CCDC117: variants seen among roughly 807,000 people sequenced by gnomAD.
CCDC117 encodes coiled-coil domain-containing protein 117.
In CCDC117, 1 loss-of-function variant was observed where a neutral mutation model predicts 23.5. The observed-to-expected ratio is 0.04, with a 90% CI of 0.02 to 0.20. The LOEUF is 0.20. Ranked by LOEUF, CCDC117 falls within the 10% of genes least tolerant of loss-of-function variation. The probability of loss-of-function intolerance (pLI) is 1.00; values close to 1 mark genes in which losing one functional copy is unlikely to be tolerated. For missense variants in CCDC117, 383 were observed against 348.2 expected (o/e 1.10, Z -0.80); for synonymous variants, 132 against 124.8 (o/e 1.06, Z -0.39).
chr22:28,777,865 T>A (rs1220442603), intron 2 of CCDC117, among the ~76,000 whole-genome samples: 2 of 151,940 alleles, frequency 1.3e-5, no homozygotes, highest in African/African-American at 4.8e-5. Context: ...TTTTTTTTTT[T>A]TTTGAGATGT....
chr22:28,783,850 A>T (rs79919091), intron 4 of CCDC117, among the ~76,000 whole-genome samples: 1,920 of 152,196 alleles, frequency 0.013, 48 homozygotes, highest in African/African-American at 0.044. Flanking sequence ...TGCCTTGCCT[A>T]CTTACTCTTT....
In CCDC117 at chr22:28,787,363, T is replaced by G. The variant is rs1191770172; in HGVS notation, c.*1037T>G. The G allele has an allele frequency of 6.6e-6, 1 of 152,186 alleles. No homozygotes were observed. Among genetic ancestry groups the G allele is most frequent in the Non-Finnish European group, 1.5e-5 (1 of 68,046 alleles). 9.4% of individuals were successfully genotyped at this position (152,186 alleles called of 1,614,324 possible). On this transcript the variant is annotated 3_prime_UTR_variant, in exon 5 of 5. Transcript: ENST00000249064. ...CATGTTGGCCAGGCTGGTCTCGAAC[T>G]CCTGACCTCAGGTGATCTGCCCACC...
chr22:28,774,791 CT>C (rs1215039244), intron 2 of CCDC117, among the ~76,000 whole-genome samples: 8 of 151,614 alleles, frequency 5.3e-5, no homozygotes, highest in Non-Finnish European at 8.8e-5. Flanking sequence ...CTTTTTCTTT[CT>C]TTTTTTCTTT....
intron 2 of CCDC117, among the ~76,000 whole-genome samples, chr22:28,775,339 C>T (rs1044029262): frequency 2.0e-5 from 3 of 152,112 alleles, no homozygotes; most frequent in South Asian, 2.1e-4. Flanking sequence ...CCTATTGATG[C>T]ATTTCTAAAT....
intron 2 of CCDC117, among the ~76,000 whole-genome samples, chr22:28,774,596 G>A (rs942620259): frequency 6.6e-6 from 1 of 151,872 alleles, no homozygotes; most frequent in Non-Finnish European, 1.5e-5. Flanking sequence ...GTCTGGTCAT[G>A]AACTTCTGGC....
chr22:28,782,249 C>CGA (rs1007745948), intron 3 of CCDC117, among the ~76,000 whole-genome samples: 1 of 119,872 alleles, frequency 8.3e-6, no homozygotes. Context: ...GTCTACTGAG[C>CGA]CTTTTTTTTT....
rs770648979 is a variant in CCDC117, at chr22:28,786,325, A to G, written c.839A>G (p.Ter280TrpextTer24). ...AGCACAGAAGAAGAGATGGAACTCT[A>G]GAAACCAATTTCTACACTAAAGTTG... is the stretch of plus-strand genomic sequence containing the variant. ...ATSTEEEMEL[*>W] The change falls in exon 5 of 5, where the codon TAG (stop) becomes TGG (tryptophan). Residue 280 changes from the stop codon to tryptophan, a stop_lost. Coordinates refer to ENST00000249064, the MANE Select transcript of CCDC117 (RefSeq NM_173510.4). 4 of 1,602,138 alleles carry G rather than the reference A, an allele frequency of 2.5e-6. No homozygotes were observed. The highest frequency in any genetic ancestry group is 3.4e-6 in the Non-Finnish European group (4 of 1,170,844).
Position 28,787,099 on chromosome 22 carries a change from G to T in CCDC117, c.*773G>T, listed in dbSNP as rs2031535203. The T allele has an allele frequency of 6.6e-6, 1 of 152,532 alleles. No homozygotes were observed. The highest frequency in any genetic ancestry group is 6.6e-5 in the Admixed American group (1 of 15,258). The allele number at this position is 152,532 out of a possible 1,614,324, so 9.4% of individuals were successfully genotyped here. A position where few individuals can be genotyped will look rare whatever the true frequency, so the allele number is the denominator to read the frequency against. Reference sequence around the variant, plus strand: ...CATCTGCAATTTGCCTGTGGGAGAAGCATCCTTTAGTTCATCTTAAGGAAG... The same window carrying T: ...CATCTGCAATTTGCCTGTGGGAGAATCATCCTTTAGTTCATCTTAAGGAAG... On this transcript the variant is annotated 3_prime_UTR_variant, in exon 5 of 5. Transcript: ENST00000249064.
Position 28,786,376 on chromosome 22 carries a change from C to G in CCDC117, c.*50C>G. The G allele has an allele frequency of 7.5e-7, 1 of 1,325,320 alleles. No homozygotes were observed. Among genetic ancestry groups the G allele is most frequent in the Non-Finnish European group, 1.1e-6 (1 of 928,034 alleles). The allele number at this position is 1,325,320 out of a possible 1,614,324, so 82.1% of individuals were successfully genotyped here. A position where few individuals can be genotyped will look rare whatever the true frequency, so the allele number is the denominator to read the frequency against. Reference sequence around the variant, plus strand: ...TCAAATGTTAGAAGAATCCTGTGTTCAGTTATGAGACTCTTTGCATAGTAT... The same window carrying G: ...TCAAATGTTAGAAGAATCCTGTGTTGAGTTATGAGACTCTTTGCATAGTAT... On this transcript the variant is annotated 3_prime_UTR_variant, in exon 5 of 5. Transcript: ENST00000249064.
chr22:28,788,437 A>G lies in CCDC117; in HGVS notation c.*2111A>G, dbSNP rs2031580634. The G allele has an allele frequency of 1.3e-5, 2 of 152,444 alleles. No individual in the cohort carries two copies. Among genetic ancestry groups the G allele is most frequent in the South Asian group, 2.1e-4 (1 of 4,828 alleles). The allele number at this position is 152,444 out of a possible 1,614,324, so 9.4% of individuals were successfully genotyped here. A position where few individuals can be genotyped will look rare whatever the true frequency, so the allele number is the denominator to read the frequency against. ...AAAACACACCAAGATTGTCTTCTACAGGAATTGCTGGGCAGGTCTCCGACT... is the reference window on the plus strand; with the variant it reads ...AAAACACACCAAGATTGTCTTCTACGGGAATTGCTGGGCAGGTCTCCGACT... On this transcript the variant is annotated 3_prime_UTR_variant, in exon 5 of 5. Coordinates refer to ENST00000249064, the MANE Select transcript of CCDC117 (RefSeq NM_173510.4).
chr22:28,776,524 G>A (rs1429321980), intron 2 of CCDC117, among the ~76,000 whole-genome samples: 1 of 151,594 alleles, frequency 6.6e-6, no homozygotes, highest in Non-Finnish European at 1.5e-5. Flanking sequence ...AGGTTCAAGC[G>A]ATTCTCCTGC....
At chr22:28,777,377 A>G (rs909034001) in intron 2 of CCDC117, among the ~76,000 whole-genome samples, 5 of 151,822 alleles carry the variant, frequency 3.3e-5, no homozygotes, top group African/African-American at 1.2e-4. Context: ...TTGTTTTGTA[A>G]TTATTTGTTA....
chr22:28,776,671 C>T (rs902320742), intron 2 of CCDC117, among the ~76,000 whole-genome samples: 2 of 151,998 alleles, frequency 1.3e-5, no homozygotes, highest in African/African-American at 2.4e-5. Context: ...CACAACCTCT[C>T]CCTCCCAGCT....
Position 28,779,903 on chromosome 22 carries a change from G to A in CCDC117, c.240-1045G>A, listed in dbSNP as rs1032349109. On this transcript the variant is annotated intron_variant, in intron 2 of 4. Coordinates refer to ENST00000249064, the MANE Select transcript of CCDC117 (RefSeq NM_173510.4). ...TTGGTCTACGTACATAATAGAACAG[G>A]GCCGATTGACTATTCAGCTTGCTTC... 4.6e-5 allele frequency among the ~76,000 whole-genome samples: 7 copies of A among 152,264 alleles called. No individual in the cohort carries two copies. In the South Asian group the frequency reaches 8.3e-4, roughly 18 times the overall value.
chr22:28,781,212 C>T (rs2294431), intron 3 of CCDC117, 40 bp downstream of exon 3: 162,013 of 1,196,618 alleles, frequency 0.14, 11,363 homozygotes, highest in South Asian at 0.18. Context: ...TTGCTGTTCT[C>T]TTGTAATAAC....
At chr22:28,786,066 A>T (rs754865644) in intron 4 of CCDC117, 23 bp from the exon 5 acceptor site, 1 of 1,553,566 alleles carries the variant, frequency 6.4e-7, no homozygotes, top group African/African-American at 1.4e-5. Flanking sequence ...TTTTTTGATA[A>T]AAGTCTGTAT....
At chr22:28,773,483 G>A (rs1211849003) in intron 1 of CCDC117, 3 of 536,774 alleles carry the variant, frequency 5.6e-6, no homozygotes, top group Admixed American at 3.1e-5. Flanking sequence ...TCCCTGGTTT[G>A]GTCCTCCCTA....
Position 28,773,868 on chromosome 22 carries a change from A to G in CCDC117, c.239+90A>G, listed in dbSNP as rs534417882. The G allele has an allele frequency of 1.7e-4, 170 of 975,348 alleles. 1 individual carries two copies. Among genetic ancestry groups the G allele is most frequent in the South Asian group, 1.7e-3 (128 of 75,972 alleles). The allele number at this position is 975,348 out of a possible 1,614,324, so 60.4% of individuals were successfully genotyped here. A position where few individuals can be genotyped will look rare whatever the true frequency, so the allele number is the denominator to read the frequency against. On this transcript the variant is annotated intron_variant, in intron 2 of 4. Transcript: ENST00000249064. ...AATTACTTAAGTGAAAAGGTGAAACATTAGATGAGTGTCTCTGGAAAGAGA... is the reference window on the plus strand; with the variant it reads ...AATTACTTAAGTGAAAAGGTGAAACGTTAGATGAGTGTCTCTGGAAAGAGA...
Position 28,772,773 on chromosome 22 carries a change from T to C in CCDC117, c.-77T>C. 5.2e-6 allele frequency: 6 copies of C among 1,145,966 alleles called. No homozygotes were observed. Among genetic ancestry groups the C allele is most frequent in the Non-Finnish European group, 6.6e-6 (6 of 915,838 alleles). 71.0% of individuals were successfully genotyped at this position (1,145,966 alleles called of 1,614,324 possible). A position where few individuals can be genotyped will look rare whatever the true frequency, so the allele number is the denominator to read the frequency against. On this transcript the variant is annotated 5_prime_UTR_variant, in exon 1 of 5. Coordinates refer to ENST00000249064, the MANE Select transcript of CCDC117 (RefSeq NM_173510.4). ...ATCCGAGGCTGGCGGGTTTTGGCAG[T>C]AGCTGTGGCTGCGGCTGCCGGGCCT...
Sources: allele counts gnomAD v4.1 joint callset (sites outside exome capture counted in the v4.1 genomes callset), GRCh38; gene constraint gnomAD v4.1.1; transcripts MANE v1.5; gene names NCBI Gene and HGNC (gene_info 2026-07-23, HGNC 2026-07-21).